The following RBM33 variants were observed in gnomAD, a reference collection of about 807,000 sequenced individuals.
RBM33 encodes RNA binding motif protein 33, also known as RNA-binding protein 33.
Under a neutral mutation model 132.6 loss-of-function variants are expected in RBM33, and 28 were observed. That is an observed-to-expected ratio of 0.21 (90% CI 0.16 to 0.29). The LOEUF is 0.29. Ranked by LOEUF, RBM33 falls within the 10% of genes least tolerant of loss-of-function variation. The pLI is 1.00. For synonymous variants in RBM33, 634 were observed against 593.0 expected (o/e 1.07, Z -1.01); for missense variants, 1,291 against 1,518.5 (o/e 0.85, Z 2.49).
chr7:155,719,656 A>G (rs1800565347), intron 9 of RBM33, among the ~76,000 whole-genome samples: 1 of 152,198 alleles, frequency 6.6e-6, no homozygotes, highest in South Asian at 2.1e-4. Context: ...CCATTACCCA[A>G]GGCTGACATG....
In RBM33 at chr7:155,711,354, C is replaced by A. The variant is rs759463324; in HGVS notation, c.1100C>A (p.Thr367Asn). Residue 367 changes from threonine (T) to asparagine (N), a missense_variant, in exon 8 of 18, where the codon ACC becomes AAC. Coordinates refer to ENST00000401878, the MANE Select transcript of RBM33 (RefSeq NM_053043.3). The part of the protein sequence containing the change: ...QGMHMPPQLE[T>N]PRMMMTPPPV... ...ATGCACATGCCTCCCCAGCTAGAGA[C>A]CCCAAGGATGATGATGACCCCGCCA... 1 of 1,598,720 alleles carries A rather than the reference C, an allele frequency of 6.3e-7. No individual in the cohort carries two copies. Among genetic ancestry groups the A allele is most frequent in the Non-Finnish European group, 8.5e-7 (1 of 1,172,932 alleles).
intron 14 of RBM33, among the ~76,000 whole-genome samples, chr7:155,756,230 T>G (rs944552919): frequency 1.3e-5 from 2 of 152,240 alleles, no homozygotes; most frequent in African/African-American, 4.8e-5. Context: ...TATTTTAAAA[T>G]TTACTTAACT....
chr7:155,658,247 T>C (rs1318383859), intron 1 of RBM33, among the ~76,000 whole-genome samples: 1 of 152,190 alleles, frequency 6.6e-6, no homozygotes, highest in African/African-American at 2.4e-5. Flanking sequence ...TAAAAATATT[T>C]TATCTGATAT....
chr7:155,665,475 A>T (rs1281819537), intron 2 of RBM33, among the ~76,000 whole-genome samples: 1 of 152,208 alleles, frequency 6.6e-6, no homozygotes, highest in Non-Finnish European at 1.5e-5. Flanking sequence ...AATAGATCAT[A>T]GGTCTTCTGT....
rs1050414669 is a variant in RBM33 at position 155,678,907 on chromosome 7, C to T, written c.248+223C>T. ...CAGTTCTTGGCCAGGCGTTGTAGCTCGTGCCTATAAACCCAGCACTTTGGG... is the reference window on the plus strand; with the variant it reads ...CAGTTCTTGGCCAGGCGTTGTAGCTTGTGCCTATAAACCCAGCACTTTGGG... On this transcript the variant is annotated intron_variant, in intron 4 of 17. Coordinates refer to ENST00000401878, the MANE Select transcript of RBM33 (RefSeq NM_053043.3). 2.0e-5 allele frequency among the ~76,000 whole-genome samples: 3 copies of T among 152,188 alleles called. No homozygotes were observed. In the East Asian group the frequency reaches 5.8e-4, roughly 29 times the overall value.
At chr7:155,680,456 GTGCATT>G in intron 4 of RBM33, 128 bp from the exon 5 acceptor site, 1 of 681,244 alleles carries the variant, frequency 1.5e-6, no homozygotes, top group Non-Finnish European at 2.4e-6. Context: ...TGGAGTTAAT[GTGCATT>G]TGTCAGTAAC....
At chr7:155,661,147 T>TATATATA (rs1491288954) in intron 1 of RBM33, among the ~76,000 whole-genome samples, 1 of 23,172 alleles carries the variant, frequency 4.3e-5, no homozygotes, top group Non-Finnish European at 1.2e-4. Flanking sequence ...TATATATATA[T>TATATATA]TTTTTTTTTT....
intron 14 of RBM33, among the ~76,000 whole-genome samples, chr7:155,754,932 G>A (rs1563177586): frequency 6.6e-6 from 1 of 152,132 alleles, no homozygotes; most frequent in Non-Finnish European, 1.5e-5. Flanking sequence ...CCCATGTTTT[G>A]CATGCTTACT....
At chr7:155,749,483 T>C (rs1468196429) in intron 14 of RBM33, among the ~76,000 whole-genome samples, 2 of 152,242 alleles carry the variant, frequency 1.3e-5, no homozygotes, top group African/African-American at 4.8e-5. Context: ...ATGATAGTTG[T>C]CTATTTTATC....
chr7:155,773,703 C>G (rs528385722), intron 16 of RBM33, among the ~76,000 whole-genome samples: 1 of 151,058 alleles, frequency 6.6e-6, no homozygotes, highest in South Asian at 2.1e-4. Flanking sequence ...CTTGAGAGTT[C>G]ACAGAGCGCC....
At chr7:155,770,120 G>A (rs955039915) in intron 16 of RBM33, among the ~76,000 whole-genome samples, 4 of 152,210 alleles carry the variant, frequency 2.6e-5, no homozygotes, top group African/African-American at 9.6e-5. Flanking sequence ...CAACGCGCCC[G>A]GGATGTGCAG....
At chr7:155,767,308 G>A (rs541766490) in intron 16 of RBM33, among the ~76,000 whole-genome samples, 8 of 152,332 alleles carry the variant, frequency 5.3e-5, no homozygotes, top group Non-Finnish European at 7.4e-5. Flanking sequence ...TGGCCTCCCC[G>A]TCAGGTGCCA....
intron 9 of RBM33, among the ~76,000 whole-genome samples, chr7:155,725,323 C>T (rs1054415468): frequency 2.7e-5 from 4 of 150,560 alleles, no homozygotes; most frequent in Admixed American, 2.0e-4. Flanking sequence ...TGTGTTCAGC[C>T]TGTGGAGCAA....
chr7:155,716,387 G>A (rs984583754), intron 8 of RBM33, among the ~76,000 whole-genome samples: 4 of 141,216 alleles, frequency 2.8e-5, no homozygotes, highest in African/African-American at 1.1e-4. Flanking sequence ...AGAGGCTTCT[G>A]TGTAAGAAAT....
intron 3 of RBM33, among the ~76,000 whole-genome samples, chr7:155,674,727 A>G (rs1799128642): frequency 6.6e-6 from 1 of 152,182 alleles, no homozygotes; most frequent in Non-Finnish European, 1.5e-5. Flanking sequence ...TAAGTTGCTC[A>G]TGTGGGCTGG....
chr7:155,719,566 T>C (rs542416094), intron 9 of RBM33, among the ~76,000 whole-genome samples: 5 of 152,300 alleles, frequency 3.3e-5, no homozygotes, highest in Non-Finnish European at 5.9e-5. Flanking sequence ...TTCTAAAAAT[T>C]AGTTGTTTTT....
intron 9 of RBM33, among the ~76,000 whole-genome samples, chr7:155,735,541 CA>C (rs1304349935): frequency 6.6e-6 from 1 of 151,580 alleles, no homozygotes; most frequent in African/African-American, 2.4e-5. Context: ...CCTGCCTCTA[CA>C]AAAAAACTAG....
rs1470015916 is a variant in RBM33, at chr7:155,779,232, G to T, written c.*4191G>T. 1.3e-5 allele frequency: 2 copies of T among 149,236 alleles called. No individual in the cohort carries two copies. Among genetic ancestry groups the T allele is most frequent in the Non-Finnish European group, 3.0e-5 (2 of 67,340 alleles). The allele number at this position is 149,236 out of a possible 1,614,324, so 9.2% of individuals were successfully genotyped here. ...TTTTTTAATTTGGAGTGGGAGGGAG[G>T]GGGGTGGGCGAGAGAAAGCTCGAAA... On this transcript the variant is annotated 3_prime_UTR_variant, in exon 18 of 18. Transcript: ENST00000401878.
Position 155,775,063 on chromosome 7 carries a change from C to G in RBM33, c.*22C>G, listed in dbSNP as rs369235549. On this transcript the variant is annotated 3_prime_UTR_variant, in exon 18 of 18. Coordinates refer to ENST00000401878, the MANE Select transcript of RBM33 (RefSeq NM_053043.3). ...GTGAGTCCTAACAAGAGAGCCTGAC[C>G]TTAGGCTGTACACACACTGTGGAAT... The G allele has an allele frequency of 6.2e-7, 1 of 1,602,274 alleles. No individual in the cohort carries two copies. The highest frequency in any genetic ancestry group is 8.6e-7 in the Non-Finnish European group (1 of 1,169,220).
Sources: allele counts gnomAD v4.1 joint callset (sites outside exome capture counted in the v4.1 genomes callset), GRCh38; gene constraint gnomAD v4.1.1; transcripts MANE v1.5; gene names NCBI Gene and HGNC (gene_info 2026-07-23, HGNC 2026-07-21).